The following RARRES1 variants were observed in gnomAD, a reference collection of about 807,000 sequenced individuals.
The protein encoded by RARRES1 is retinoic acid receptor responder protein 1.
In RARRES1, 34 loss-of-function variants were observed where a neutral mutation model predicts 30.6. That is an observed-to-expected ratio of 1.11 (90% CI 0.84 to 1.48). RARRES1 has a LOEUF of 1.48. RARRES1 is among the 40% of genes most tolerant of loss of function. RARRES1 has a pLI of 0.00. For synonymous variants in RARRES1, 153 were observed against 155.5 expected, an observed-to-expected ratio of 0.98 and a Z score of 0.12; for missense variants, 373 against 386.5, an observed-to-expected ratio of 0.97 and a Z score of 0.29.
At chr3:158,722,949 A>G (rs1367417035) in intron 1 of RARRES1, among the ~76,000 whole-genome samples, 1 of 152,092 alleles carries the variant, frequency 6.6e-6, no homozygotes, top group Non-Finnish European at 1.5e-5. Context: ...ACGTGGAGCA[A>G]ATAAAAGAGC....
intron 1 of RARRES1, among the ~76,000 whole-genome samples, chr3:158,721,966 C>T (rs929058385): frequency 2.6e-5 from 4 of 151,324 alleles, no homozygotes; most frequent in Non-Finnish European, 5.9e-5. Flanking sequence ...TGGCGCACAC[C>T]TGTAATTCCA....
At chr3:158,728,387 G>T (rs1302472598) in intron 1 of RARRES1, among the ~76,000 whole-genome samples, 1 of 152,058 alleles carries the variant, frequency 6.6e-6, no homozygotes, top group East Asian at 1.9e-4. Flanking sequence ...CTACCTGCTC[G>T]CCCCTCAGGG....
At chr3:158,722,564 G>A (rs954950076) in intron 1 of RARRES1, among the ~76,000 whole-genome samples, 4 of 152,146 alleles carry the variant, frequency 2.6e-5, no homozygotes, top group Admixed American at 2.0e-4. Flanking sequence ...GGGTATTTAT[G>A]TATTCTAAGA....
At chr3:158,713,076 G>C (rs553631649) in intron 2 of RARRES1, among the ~76,000 whole-genome samples, 1 of 152,054 alleles carries the variant, frequency 6.6e-6, no homozygotes, top group African/African-American at 2.4e-5. Flanking sequence ...TTCAACTCCC[G>C]AAACTCTGCC....
chr3:158,714,329 G>A (rs1181226948), intron 1 of RARRES1, among the ~76,000 whole-genome samples: 2 of 152,192 alleles, frequency 1.3e-5, no homozygotes, highest in Non-Finnish European at 2.9e-5. Flanking sequence ...AGGGGCTGAT[G>A]AATGAAGAAA....
intron 4 of RARRES1, among the ~76,000 whole-genome samples, chr3:158,698,443 G>C (rs1726622190): frequency 6.6e-6 from 1 of 152,124 alleles, no homozygotes. Flanking sequence ...TTACAGGAGA[G>C]GTAATTTGAG....
intron 1 of RARRES1, among the ~76,000 whole-genome samples, chr3:158,720,232 T>TGGTG (rs1727461651): frequency 1.5e-5 from 1 of 64,860 alleles, no homozygotes; most frequent in East Asian, 3.2e-4. Context: ...AGCTGGCTGC[T>TGGTG]GGTGTGTGTG....
chr3:158,715,225 G>A (rs1322384379), intron 1 of RARRES1, among the ~76,000 whole-genome samples: 3 of 152,246 alleles, frequency 2.0e-5, no homozygotes, highest in Admixed American at 6.5e-5. Flanking sequence ...GAGATATAAA[G>A]AAATATGATG....
chr3:158,709,405 T>C (rs1213229973), intron 3 of RARRES1, among the ~76,000 whole-genome samples: 1 of 151,308 alleles, frequency 6.6e-6, no homozygotes, highest in African/African-American at 2.4e-5. Context: ...AGTCATCAGG[T>C]CATTTATTTC....
chr3:158,720,062 T>C (rs1045047611), intron 1 of RARRES1, among the ~76,000 whole-genome samples: 2 of 152,076 alleles, frequency 1.3e-5, no homozygotes, highest in Non-Finnish European at 1.5e-5. Context: ...ATTTTAAGGA[T>C]GAAGAAATGG....
chr3:158,711,833 A>G (rs1727146561), intron 2 of RARRES1, among the ~76,000 whole-genome samples: 1 of 152,068 alleles, frequency 6.6e-6, no homozygotes, highest in Non-Finnish European at 1.5e-5. Context: ...TGACCTCGTG[A>G]TCTGCCTGCC....
rs1576814047 is a variant in RARRES1, at chr3:158,710,945, A to G, written c.340-12T>C. The G allele has an allele frequency of 1.2e-6, 2 of 1,608,846 alleles. No homozygotes were observed. The highest frequency in any genetic ancestry group is 8.5e-7 in the Non-Finnish European group (1 of 1,175,858). On this transcript the variant is annotated splice_polypyrimidine_tract_variant and intron_variant, in intron 2 of 5. Coordinates refer to ENST00000237696, the MANE Select transcript of RARRES1 (RefSeq NM_206963.2). ...TCCTGAAGTAAAGACTGTGGAGTTA[A>G]ACAGGATACTTTATCACCTCCCACT...
At chr3:158,703,143 C>T (rs1174264475) in intron 4 of RARRES1, among the ~76,000 whole-genome samples, 1 of 152,162 alleles carries the variant, frequency 6.6e-6, no homozygotes, top group Non-Finnish European at 1.5e-5. Flanking sequence ...TACTTTGCCT[C>T]GTTTTTCACT....
chr3:158,719,913 G>A (rs1381681922), intron 1 of RARRES1, among the ~76,000 whole-genome samples: 1 of 152,154 alleles, frequency 6.6e-6, no homozygotes, highest in African/African-American at 2.4e-5. Context: ...GCTTACATAT[G>A]AAGCATCATT....
intron 1 of RARRES1, among the ~76,000 whole-genome samples, chr3:158,727,123 A>G (rs902983294): frequency 3.3e-5 from 5 of 152,224 alleles, no homozygotes; most frequent in African/African-American, 1.2e-4. Flanking sequence ...CAAAACCATG[A>G]GCCAATCAAA....
chr3:158,713,018 G>A (rs1018842538), intron 2 of RARRES1, among the ~76,000 whole-genome samples: 6 of 152,198 alleles, frequency 3.9e-5, no homozygotes, highest in Non-Finnish European at 7.4e-5. Flanking sequence ...TGGAACTTGA[G>A]TACTGGTGAG....
In RARRES1 at chr3:158,716,860, A is replaced by T. The variant is rs143949201; in HGVS notation, c.277-3001T>A. 3.1e-3 allele frequency among the ~76,000 whole-genome samples: 465 copies of T among 152,312 alleles called. 1 individual carries two copies. The highest frequency in any genetic ancestry group is 0.01 in the African/African-American group (423 of 41,570). The stretch of plus-strand genomic sequence containing the variant: ...CGGCCTCCCAAAGTGCTAGGATTAT[A>T]GGCGTGACTCACTGCGCCTGGTTAA... On this transcript the variant is annotated intron_variant, in intron 1 of 5. Coordinates refer to ENST00000237696, the MANE Select transcript of RARRES1 (RefSeq NM_206963.2).
rs1397594298 is a variant in RARRES1 at position 158,720,448 on chromosome 3, C to A, written c.277-6589G>T. Among the ~76,000 whole-genome samples the A allele has an allele frequency of 1.3e-5, 2 of 152,102 alleles. 1 individual carries two copies. The highest frequency in any genetic ancestry group is 4.8e-5 in the African/African-American group (2 of 41,430). ...AAAGTACCACAAACTAGGTGGCTTA[C>A]AACAACAGATATTTATTCTCATACA... On this transcript the variant is annotated intron_variant, in intron 1 of 5. Transcript: ENST00000237696.
chr3:158,720,600 G>A (rs2108148669), intron 1 of RARRES1, among the ~76,000 whole-genome samples: 2 of 152,234 alleles, frequency 1.3e-5, no homozygotes, highest in South Asian at 4.1e-4. Context: ...GCATTCTTTA[G>A]TTTACAACTG....
Sources: allele counts gnomAD v4.1 joint callset (sites outside exome capture counted in the v4.1 genomes callset), GRCh38; gene constraint gnomAD v4.1.1; transcripts MANE v1.5; gene names NCBI Gene and HGNC (gene_info 2026-07-23, HGNC 2026-07-21).